Variants in DNAH14 observed in about 807,000 individuals in gnomAD.
The protein encoded by DNAH14 is dynein axonemal heavy chain 14, also known as axonemal beta dynein heavy chain 14.
Under a neutral mutation model 520.9 loss-of-function variants are expected in DNAH14, and 478 were observed. That is an observed-to-expected ratio of 0.92 (90% CI 0.85 to 0.99). The LOEUF (loss-of-function observed/expected upper bound fraction) is 0.99. DNAH14 is among the 50% of genes least tolerant of loss of function. The probability of loss-of-function intolerance (pLI) is 0.00; values close to 1 mark genes in which losing one functional copy is unlikely to be tolerated. For synonymous variants in DNAH14, 1,581 were observed against 1,757.2 expected, an observed-to-expected ratio of 0.90 and a Z score of 2.51; for missense variants, 4,831 against 5,234.5, an observed-to-expected ratio of 0.92 and a Z score of 2.38.
intron 42 of DNAH14, among the ~76,000 whole-genome samples, chr1:225,235,803 T>C (rs686371): frequency 0.2 from 30,129 of 152,080 alleles, 3,126 homozygotes; most frequent in East Asian, 0.37. Flanking sequence ...CCATTTCTTC[T>C]AGATTTTCTA....
intron 1 of DNAH14, among the ~76,000 whole-genome samples, chr1:224,943,971 G>C (rs1370534023): frequency 6.6e-6 from 1 of 152,180 alleles, no homozygotes; most frequent in African/African-American, 2.4e-5. Context: ...TGTATATTCT[G>C]TTGATTTGGG....
At chr1:225,173,582 A>G (rs1383231601) in intron 36 of DNAH14, among the ~76,000 whole-genome samples, 2 of 152,336 alleles carry the variant, frequency 1.3e-5, no homozygotes, top group African/African-American at 2.4e-5. Context: ...ACCAGTTAGA[A>G]TGGTGATCAT....
intron 31 of DNAH14, among the ~76,000 whole-genome samples, chr1:225,150,785 A>G (rs776810765): frequency 2.3e-4 from 35 of 152,046 alleles, no homozygotes; most frequent in Non-Finnish European, 5.0e-4. Flanking sequence ...GCTGGAGTGC[A>G]GTGGCATGAT....
intron 43 of DNAH14, among the ~76,000 whole-genome samples, chr1:225,247,397 A>T (rs567959798): frequency 2.4e-4 from 36 of 152,304 alleles, no homozygotes; most frequent in Non-Finnish European, 2.4e-4. Flanking sequence ...GAATAATAAA[A>T]AAAATAAGTA....
rs542866821 is a variant in DNAH14, at chr1:225,335,770, T to C, written c.10081-1496T>C. 1.6e-5 allele frequency among the ~76,000 whole-genome samples: 2 copies of C among 123,246 alleles called. 1 individual carries two copies. Among genetic ancestry groups the C allele is most frequent in the African/African-American group, 6.2e-5 (2 of 32,260 alleles). The allele number at this position is 123,246 out of a possible 152,430, so 80.9% of individuals were successfully genotyped here. On this transcript the variant is annotated intron_variant, in intron 66 of 85. Coordinates refer to ENST00000682510, the MANE Select transcript of DNAH14 (RefSeq NM_001367479.1). The stretch of plus-strand genomic sequence containing the variant: ...ATACGCATATATACATACATGTGCA[T>C]ATGTGCATATATTCATAAGTACATC...
At chr1:225,049,047 ATTTTTTTTTTTTT>A (rs71170051) in intron 15 of DNAH14, among the ~76,000 whole-genome samples, 1 of 56,304 alleles carries the variant, frequency 1.8e-5, no homozygotes, top group African/African-American at 8.3e-5. Context: ...TCTCTTGCCT[ATTTTTTTTTTTTT>A]TTTTTTTTTT....
chr1:225,359,113 A>G (rs1488262254), intron 74 of DNAH14, among the ~76,000 whole-genome samples: 1 of 152,218 alleles, frequency 6.6e-6, no homozygotes, highest in Non-Finnish European at 1.5e-5. Flanking sequence ...TCTGTGTCAG[A>G]TTATTCTGTG....
chr1:225,240,786 C>T lies in DNAH14; in HGVS notation c.6712C>T (p.Leu2238Phe), dbSNP rs1374545313. The change falls in exon 43 of 86, where the codon CTT (leucine) becomes TTT (phenylalanine). Residue 2238 changes from leucine to phenylalanine, a missense_variant. Leu to Phe is a conservative substitution (Grantham distance 22). Coordinates refer to ENST00000682510, the MANE Select transcript of DNAH14 (RefSeq NM_001367479.1). ...AAAAGTAACATACGATTTTGACAAACTTGTTCATGAATTATTTGGAAACAG... is the reference window on the plus strand; with the variant it reads ...AAAAGTAACATACGATTTTGACAAATTTGTTCATGAATTATTTGGAAACAG... ...LAKVTYDFDK[L>F]VHELFGNSSQ... 3.2e-6 allele frequency: 5 copies of T among 1,549,894 alleles called. No individual in the cohort carries two copies. Among genetic ancestry groups the T allele is most frequent in the Non-Finnish European group, 4.4e-6 (5 of 1,145,840 alleles).
chr1:224,993,406 C>G (rs2063185293), intron 8 of DNAH14, among the ~76,000 whole-genome samples: 1 of 151,790 alleles, frequency 6.6e-6, no homozygotes, highest in East Asian at 1.9e-4. Context: ...TTTTCTGTTT[C>G]TTCATGATTA....
intron 45 of DNAH14, 62 bp downstream of exon 45, chr1:225,258,180 G>A: frequency 7.4e-7 from 1 of 1,349,544 alleles, no homozygotes; most frequent in Non-Finnish European, 9.7e-7. Context: ...CAGATATTTG[G>A]TCTAACTATC....
intron 69 of DNAH14, among the ~76,000 whole-genome samples, chr1:225,342,683 AAC>A (rs10572962): frequency 0.11 from 15,634 of 147,874 alleles, 811 homozygotes; most frequent in South Asian, 0.15. Flanking sequence ...ATTTCTCATA[AAC>A]ACACACACAC....
chr1:225,341,137 C>T (rs1274150009), intron 69 of DNAH14, among the ~76,000 whole-genome samples: 1 of 151,984 alleles, frequency 6.6e-6, no homozygotes, highest in Non-Finnish European at 1.5e-5. Context: ...GACAGTCTTA[C>T]TCCATCACCC....
intron 84 of DNAH14, among the ~76,000 whole-genome samples, chr1:225,395,127 T>G (rs1448555164): frequency 1.3e-5 from 2 of 152,204 alleles, no homozygotes; most frequent in African/African-American, 4.8e-5. Context: ...TTAGGAATTT[T>G]TTAATGAAGA....
At chr1:225,061,603 C>G (rs2070126718) in intron 17 of DNAH14, among the ~76,000 whole-genome samples, 1 of 152,208 alleles carries the variant, frequency 6.6e-6, no homozygotes, top group Non-Finnish European at 1.5e-5. Context: ...TTCTGCGTCG[C>G]TCATGCTGGG....
chr1:225,001,247 A>C (rs944851084), intron 8 of DNAH14, among the ~76,000 whole-genome samples: 1 of 151,344 alleles, frequency 6.6e-6, no homozygotes, highest in Non-Finnish European at 1.5e-5. Flanking sequence ...TTTCTTCCCC[A>C]CCCTTCAATG....
intron 8 of DNAH14, among the ~76,000 whole-genome samples, chr1:224,986,368 A>G (rs2062643089): frequency 6.6e-6 from 1 of 151,800 alleles, no homozygotes; most frequent in African/African-American, 2.4e-5. Context: ...CCCTAAAAAA[A>G]AATGATGCAA....
chr1:225,159,211 C>T, intron 34 of DNAH14, 103 bp from the exon 35 acceptor site: 1 of 890,450 alleles, frequency 1.1e-6, no homozygotes, highest in Non-Finnish European at 1.7e-6. Context: ...GAGGGAAGGA[C>T]ATTGGGATAG....
chr1:224,997,496 G>A (rs2063476081), intron 8 of DNAH14, among the ~76,000 whole-genome samples: 1 of 151,984 alleles, frequency 6.6e-6, no homozygotes, highest in South Asian at 2.1e-4. Flanking sequence ...GGTCCATGCA[G>A]CTTTCTCAGG....
chr1:225,381,032 G>A (rs765186559), intron 80 of DNAH14, among the ~76,000 whole-genome samples: 10 of 152,138 alleles, frequency 6.6e-5, no homozygotes, highest in Non-Finnish European at 1.3e-4. Flanking sequence ...ATCAAAAGAA[G>A]GAATATAGTT....
Sources: gnomAD v4.1 joint callset for allele counts (sites outside exome capture counted in the v4.1 genomes callset) on GRCh38, gnomAD v4.1.1 for gene constraint, MANE v1.5 for transcripts, NCBI Gene and HGNC (gene_info 2026-07-23, HGNC 2026-07-21) for gene names.